Variants in GIN1 observed in about 807,000 individuals in gnomAD.
GIN1 encodes gypsy retrotransposon integrase 1, also known as gypsy retrotransposon integrase-like protein 1.
Under a neutral mutation model 51.4 loss-of-function variants are expected in GIN1, and 41 were observed. The ratio of observed to expected loss-of-function variants is 0.80; its 90% confidence interval spans 0.62 to 1.04. GIN1 has a LOEUF of 1.04. Ranked by LOEUF, GIN1 falls within the 50% of genes least tolerant of loss-of-function variation. GIN1 has a pLI of 0.00. For missense variants in GIN1, 610 were observed against 612.4 expected (o/e 1.00, Z 0.04); for synonymous variants, 222 against 206.5 (o/e 1.07, Z -0.64).
rs1787398361 is a variant in GIN1 at position 103,096,551 on chromosome 5, G to A, written c.1284C>T (p.Ser428=). 1.2e-6 allele frequency: 2 copies of A among 1,604,256 alleles called. No individual in the cohort carries two copies. Among genetic ancestry groups the A allele is most frequent in the Non-Finnish European group, 1.7e-6 (2 of 1,174,050 alleles). The change falls in exon 7 of 8, where the codon TCC becomes TCT. Residue 428 remains serine, a synonymous_variant. Coordinates refer to ENST00000399004, the MANE Select transcript of GIN1 (RefSeq NM_017676.2). ...GTGACAGATATTTACCTTGTTCACTGGATTCTCTTATGTAGGGCTTAAGGT... is the reference window on the plus strand; with the variant it reads ...GTGACAGATATTTACCTTGTTCACTAGATTCTCTTATGTAGGGCTTAAGGT... ...MSHLKPYIRE[S]SEQESLYLLQ...
chr5:103,115,022 G>A (rs1228652209), intron 1 of GIN1, among the ~76,000 whole-genome samples: 2 of 152,128 alleles, frequency 1.3e-5, no homozygotes, highest in African/African-American at 2.4e-5. Context: ...TTCAGAAAGT[G>A]GATTTAGAAA....
chr5:103,089,962 C>T lies in GIN1; in HGVS notation c.1295-1790G>A, dbSNP rs116329939. 6.9e-3 allele frequency among the ~76,000 whole-genome samples: 1,054 copies of T among 152,078 alleles called. 13 individuals are homozygous for T. The highest frequency in any genetic ancestry group is 0.025 in the African/African-American group (1,018 of 41,478). ...GGGCTTGTATGGCCATTTATTCTCC[C>T]ATAATTCTGAAAGACAAAAAAAAAT... On this transcript the variant is annotated intron_variant, in intron 7 of 7. Transcript: ENST00000399004.
chr5:103,104,537 T>C lies in GIN1; in HGVS notation c.639+4A>G. ...CCCAGACCTAAGTAGTTTATTTGTCTTACCTGTTGAATGAATTCATCTCTT... is the reference window on the plus strand; with the variant it reads ...CCCAGACCTAAGTAGTTTATTTGTCCTACCTGTTGAATGAATTCATCTCTT... On this transcript the variant is annotated splice_donor_region_variant and intron_variant, in intron 4 of 7. Transcript: ENST00000399004. 1 of 1,451,198 alleles carries C rather than the reference T, an allele frequency of 6.9e-7. No homozygotes were observed. Among genetic ancestry groups the C allele is most frequent in the Non-Finnish European group, 9.6e-7 (1 of 1,042,498 alleles). 89.9% of individuals were successfully genotyped at this position (1,451,198 alleles called of 1,614,324 possible).
Position 103,097,483 on chromosome 5 carries a change from G to T in GIN1, c.839C>A (p.Thr280Asn). The T allele has an allele frequency of 6.5e-7, 1 of 1,538,168 alleles. No individual in the cohort carries two copies. Among genetic ancestry groups the T allele is most frequent in the South Asian group, 1.2e-5 (1 of 85,810 alleles). The stretch of plus-strand genomic sequence containing the variant: ...CATTTGAAAATATGGTGTATTTTTA[G>T]TAGGTTCCTATTTTAAAGAAAATAA... ...FAFNVTHLEP[T>N]KNTPYFQMFS... Residue 280 changes from threonine to asparagine, a missense_variant, in exon 6 of 8, where the codon ACT becomes AAT. Thr to Asn is a moderately conservative substitution (Grantham distance 65). Coordinates refer to ENST00000399004, the MANE Select transcript of GIN1 (RefSeq NM_017676.2).
Position 103,087,823 on chromosome 5 carries a change from C to A in GIN1, c.*75G>T. On this transcript the variant is annotated 3_prime_UTR_variant, in exon 8 of 8. Coordinates refer to ENST00000399004, the MANE Select transcript of GIN1 (RefSeq NM_017676.2). ...AATGTGTCAAGATACTTCTTCTATACAACGTTTTTAATGAATAAGATATCA... is the reference window on the plus strand; with the variant it reads ...AATGTGTCAAGATACTTCTTCTATAAAACGTTTTTAATGAATAAGATATCA... 1.6e-6 allele frequency: 1 copy of A among 626,484 alleles called. No homozygotes were observed. Among genetic ancestry groups the A allele is most frequent in the Non-Finnish European group, 2.7e-6 (1 of 371,064 alleles). 38.8% of individuals were successfully genotyped at this position (626,484 alleles called of 1,614,324 possible). A position where few individuals can be genotyped will look rare whatever the true frequency, so the allele number is the denominator to read the frequency against.
At chr5:103,098,037 C>T (rs1413954990) in intron 4 of GIN1, among the ~76,000 whole-genome samples, 2 of 152,048 alleles carry the variant, frequency 1.3e-5, no homozygotes, top group South Asian at 2.1e-4. Flanking sequence ...TGTGCGCCAC[C>T]ACACCCGGCT....
Position 103,097,626 on chromosome 5 carries a change from T to C in GIN1, c.795A>G (p.Leu265=), listed in dbSNP as rs782417984. Residue 265 remains leucine (L), a synonymous_variant, in exon 5 of 8, where the codon CTA becomes CTG. Transcript: ENST00000399004. The stretch of plus-strand genomic sequence containing the variant: ...CATTGAAGGCAAATGAAACAGCTGA[T>C]AGGTGATCATCCCAATTGTTTGGGT... ...ADHPNNWDDH[L]SAVSFAFNVT... The C allele has an allele frequency of 5.6e-6, 9 of 1,611,476 alleles. 2 individuals carry two copies. Among genetic ancestry groups the C allele is most frequent in the Admixed American group, 3.3e-5 (2 of 60,008 alleles).
chr5:103,097,747 T>C lies in GIN1; in HGVS notation c.674A>G (p.Lys225Arg), dbSNP rs782122590. ...NIELYRLFGI[K>R]QIVISHTSGT... The stretch of plus-strand genomic sequence containing the variant: ...AGAGGTGTGAGAAATTACAATTTGC[T>C]TTATGCCAAACAATCTGTACAGTTC... Residue 225 changes from lysine to arginine, a missense_variant, in exon 5 of 8, where the codon AAG becomes AGG. Transcript: ENST00000399004. 3 of 1,577,452 alleles carry C rather than the reference T, an allele frequency of 1.9e-6. No homozygotes were observed. The Admixed American group carries it at 5.0e-5, about 26-fold the overall frequency.
intron 3 of GIN1, among the ~76,000 whole-genome samples, 197 bp from the exon 4 acceptor site, chr5:103,105,043 A>G (rs538607034): frequency 1.3e-5 from 2 of 152,360 alleles, no homozygotes; most frequent in South Asian, 4.1e-4. Context: ...AAACAACTGT[A>G]GTAGCCACTA....
chr5:103,087,843 A>G lies in GIN1; in HGVS notation c.*55T>C. 2 of 709,848 alleles carry G rather than the reference A, an allele frequency of 2.8e-6. No homozygotes were observed. Among genetic ancestry groups the G allele is most frequent in the Admixed American group, 6.2e-5 (2 of 32,312 alleles). 44.0% of individuals were successfully genotyped at this position (709,848 alleles called of 1,614,324 possible). A position where few individuals can be genotyped will look rare whatever the true frequency, so the allele number is the denominator to read the frequency against. ...CTATACAACGTTTTTAATGAATAAG[A>G]TATCATTAAGAATTTATATTCTAAA... On this transcript the variant is annotated 3_prime_UTR_variant, in exon 8 of 8. Transcript: ENST00000399004.
At chr5:103,107,233 T>G (rs1787752787) in intron 2 of GIN1, among the ~76,000 whole-genome samples, 1 of 152,006 alleles carries the variant, frequency 6.6e-6, no homozygotes, top group Non-Finnish European at 1.5e-5. Flanking sequence ...AGTAGGAAGA[T>G]TTTGCAGGCA....
At position 103,104,770 on chromosome 5, in the gene GIN1, T is replaced by C; in HGVS notation, c.410A>G (p.Glu137Gly). The C allele has an allele frequency of 6.2e-7, 1 of 1,612,306 alleles. No homozygotes were observed. The highest frequency in any genetic ancestry group is 8.5e-7 in the Non-Finnish European group (1 of 1,178,500). The change falls in exon 4 of 8, where the codon GAA (glutamate) becomes GGA (glycine). Residue 137 changes from glutamate (E) to glycine (G), a missense_variant. Coordinates refer to ENST00000399004, the MANE Select transcript of GIN1 (RefSeq NM_017676.2). ...AACAGTAACTAAACTCCATGGATTT[T>C]CCACCTTGAGAAGGTGCTGTTTCGG... is the stretch of plus-strand genomic sequence containing the variant. ...VAPKQHLLKV[E>G]NPWSLVTVDL...
At chr5:103,107,990 CT>C (rs1787773015) in intron 2 of GIN1, among the ~76,000 whole-genome samples, 1 of 151,968 alleles carries the variant, frequency 6.6e-6, no homozygotes, top group Non-Finnish European at 1.5e-5. Flanking sequence ...TTCTCTTCCC[CT>C]TTATAAGGGG....
chr5:103,087,871 A>AGT lies in GIN1; in HGVS notation c.*26_*27insAC. 1 of 963,148 alleles carries AGT rather than the reference A, an allele frequency of 1.0e-6. No homozygotes were observed. Among genetic ancestry groups the AGT allele is most frequent in the Non-Finnish European group, 1.5e-6 (1 of 655,112 alleles). The allele number at this position is 963,148 out of a possible 1,614,324, so 59.7% of individuals were successfully genotyped here. On this transcript the variant is annotated 3_prime_UTR_variant, in exon 8 of 8. Coordinates refer to ENST00000399004, the MANE Select transcript of GIN1 (RefSeq NM_017676.2). ...TCATTAAGAATTTATATTCTAAACA[A>AGT]ACAATTTAAATAAATTTTGGTATTT...
intron 5 of GIN1, 35 bp downstream of exon 5, chr5:103,097,555 A>G: frequency 6.6e-7 from 1 of 1,516,378 alleles, no homozygotes; most frequent in Non-Finnish European, 9.1e-7. Flanking sequence ...AAATAGTCAT[A>G]ACTCAGAAGT....
At chr5:103,093,882 A>G (rs1730467456) in intron 7 of GIN1, among the ~76,000 whole-genome samples, 1 of 152,226 alleles carries the variant, frequency 6.6e-6, no homozygotes, top group Non-Finnish European at 1.5e-5. Flanking sequence ...TAAAATAGCA[A>G]TGAAAAATAT....
At chr5:103,094,605 GAACA>G (rs1182173374) in intron 7 of GIN1, among the ~76,000 whole-genome samples, 6 of 152,064 alleles carry the variant, frequency 3.9e-5, no homozygotes, top group African/African-American at 1.4e-4. Context: ...TCTTTGACAA[GAACA>G]AATTACAAAA....
chr5:103,108,690 T>C lies in GIN1; in HGVS notation c.18A>G (p.Lys6=), dbSNP rs782031673. 3.1e-6 allele frequency: 5 copies of C among 1,603,724 alleles called. No homozygotes were observed. The South Asian group carries it at 5.6e-5, about 18-fold the overall frequency. The change falls in exon 2 of 8, where the codon AAA becomes AAG. Residue 6 remains lysine (K), a synonymous_variant. Transcript: ENST00000399004. ...TCTGTTTAAGATGAAGGTCACCATT[T>C]TTTCCACTACGGACCATTGTGAACC... MVRSG[K]NGDLHLKQIA...
intron 1 of GIN1, among the ~76,000 whole-genome samples, chr5:103,119,755 G>GA (rs1788327213): frequency 6.6e-6 from 1 of 152,150 alleles, no homozygotes. Context: ...CTCGTTAACG[G>GA]AATCTTAAGG....
Sources: gnomAD v4.1 joint callset for allele counts (sites outside exome capture counted in the v4.1 genomes callset) on GRCh38, gnomAD v4.1.1 for gene constraint, MANE v1.5 for transcripts, NCBI Gene and HGNC (gene_info 2026-07-23, HGNC 2026-07-21) for gene names.